EBF2: variants seen among roughly 807,000 people sequenced by gnomAD.
EBF2 encodes the protein EBF transcription factor 2, also known as transcription factor COE2.
In EBF2, 21 loss-of-function variants were observed where a neutral mutation model predicts 72.8. The ratio of observed to expected loss-of-function variants is 0.29; its 90% confidence interval spans 0.20 to 0.42. EBF2 has a LOEUF of 0.42. EBF2 is among the 10% of genes least tolerant of loss of function. The pLI is 1.00. For synonymous variants in EBF2, 299 were observed against 274.2 expected, an observed-to-expected ratio of 1.09 and a Z score of -0.89; for missense variants, 637 against 731.2, an observed-to-expected ratio of 0.87 and a Z score of 1.49.
At position 25,843,284 on chromosome 8, in the gene EBF2, G is replaced by C. The variant is rs1013825147; in HGVS notation, c.*1325C>G. 6.6e-6 allele frequency: 1 copy of C among 152,170 alleles called. No homozygotes were observed. Among genetic ancestry groups the C allele is most frequent in the Non-Finnish European group, 1.5e-5 (1 of 68,042 alleles). The allele number at this position is 152,170 out of a possible 1,614,324, so 9.4% of individuals were successfully genotyped here. A position where few individuals can be genotyped will look rare whatever the true frequency, so the allele number is the denominator to read the frequency against. The stretch of plus-strand genomic sequence containing the variant: ...TCCGTCTCATTCTTGACTAGAAACT[G>C]TCGAGTGGCATAGCTATGTTTTTCA... On this transcript the variant is annotated 3_prime_UTR_variant, in exon 16 of 16. Transcript: ENST00000520164.
intron 7 of EBF2, among the ~76,000 whole-genome samples, chr8:25,903,131 C>A (rs1267504138): frequency 6.7e-6 from 1 of 150,160 alleles, no homozygotes; most frequent in Non-Finnish European, 1.5e-5. Flanking sequence ...CACAGGCATA[C>A]AATGCACAGT....
chr8:26,000,206 A>T (rs1451881286), intron 6 of EBF2, among the ~76,000 whole-genome samples: 3 of 152,158 alleles, frequency 2.0e-5, no homozygotes, highest in Non-Finnish European at 4.4e-5. Flanking sequence ...GTTTGGCTTT[A>T]TGTTGTCCAG....
chr8:25,904,392 T>C (rs1323126293), intron 7 of EBF2, among the ~76,000 whole-genome samples: 1 of 151,268 alleles, frequency 6.6e-6, no homozygotes, highest in African/African-American at 2.4e-5. Flanking sequence ...TTGGTCTGAT[T>C]GGATGATTTT....
At chr8:25,908,676 T>A (rs1803079730) in intron 6 of EBF2, 121 bp from the exon 7 acceptor site, 2 of 710,662 alleles carry the variant, frequency 2.8e-6, no homozygotes, top group Admixed American at 5.0e-5. Flanking sequence ...AATTTCAACC[T>A]GCCCTGCCTG....
intron 6 of EBF2, among the ~76,000 whole-genome samples, chr8:25,922,872 A>G (rs2117136415): frequency 6.6e-6 from 1 of 152,162 alleles, no homozygotes; most frequent in African/African-American, 2.4e-5. Flanking sequence ...TTTTACTGAC[A>G]TGATTCTTTC....
chr8:26,038,306 G>A (rs1805538125), intron 5 of EBF2, among the ~76,000 whole-genome samples: 1 of 152,168 alleles, frequency 6.6e-6, no homozygotes, highest in African/African-American at 2.4e-5. Flanking sequence ...CTCCAATGCA[G>A]AGAAGTTACA....
chr8:25,914,373 T>C (rs1272306481), intron 6 of EBF2, among the ~76,000 whole-genome samples: 1 of 152,166 alleles, frequency 6.6e-6, no homozygotes, highest in Non-Finnish European at 1.5e-5. Context: ...CAGGCAGCCC[T>C]AGGGAAGGTG....
chr8:25,905,471 G>A (rs1426689147), intron 7 of EBF2, among the ~76,000 whole-genome samples: 1 of 152,078 alleles, frequency 6.6e-6, no homozygotes, highest in Non-Finnish European at 1.5e-5. Flanking sequence ...ATTTTAAAAT[G>A]TGATATATCC....
chr8:25,860,163 G>A (rs543802712), intron 13 of EBF2, among the ~76,000 whole-genome samples: 1 of 152,194 alleles, frequency 6.6e-6, no homozygotes, highest in African/African-American at 2.4e-5. Context: ...GACAGATTTC[G>A]ACTTAGCACT....
At chr8:26,041,302 A>T (rs977202789) in intron 2 of EBF2, 1 of 460,940 alleles carries the variant, frequency 2.2e-6, no homozygotes, top group Non-Finnish European at 4.0e-6. Context: ...GCTGCCTTTA[A>T]ACAGGCACCA....
At chr8:25,971,102 T>C (rs1804182246) in intron 6 of EBF2, among the ~76,000 whole-genome samples, 1 of 152,196 alleles carries the variant, frequency 6.6e-6, no homozygotes. Flanking sequence ...CCCAAAGTGC[T>C]GGGATTACAG....
intron 6 of EBF2, among the ~76,000 whole-genome samples, chr8:25,928,328 G>A (rs1385723): frequency 0.49 from 74,189 of 151,918 alleles, 20,884 homozygotes; most frequent in East Asian, 0.74. Flanking sequence ...GGCTTATCTG[G>A]GTTAGCTGCA....
At chr8:25,907,398 T>G (rs59312103) in intron 7 of EBF2, among the ~76,000 whole-genome samples, 9,734 of 115,126 alleles carry the variant, frequency 0.085, 1,260 homozygotes, top group African/African-American at 0.3. Context: ...CCAGCCTAGG[T>G]GACAGAGTGA....
At chr8:25,968,633 C>T (rs573947440) in intron 6 of EBF2, among the ~76,000 whole-genome samples, 1 of 152,324 alleles carries the variant, frequency 6.6e-6, no homozygotes, top group East Asian at 1.9e-4. Flanking sequence ...ATGATCTCAG[C>T]TCACTGCAAC....
At chr8:25,889,237 T>C (rs891856068) in intron 8 of EBF2, among the ~76,000 whole-genome samples, 1 of 152,216 alleles carries the variant, frequency 6.6e-6, no homozygotes, top group Non-Finnish European at 1.5e-5. Flanking sequence ...TATACTTTAA[T>C]TTTTTGGACA....
Position 25,850,746 on chromosome 8 carries a change from G to C in EBF2, c.1544C>G (p.Pro515Arg). Reference sequence around the variant, plus strand: ...GGATGTGCTGGAAGACCCAACGGTGGGACTTGATGACATGACTGGAAAGCA... The same window carrying C: ...GGATGTGCTGGAAGACCCAACGGTGCGACTTGATGACATGACTGGAAAGCA... ...GSPYGIMSSSPTVGSSSTSSI... is the reference protein window; with the variant it reads ...GSPYGIMSSSRTVGSSSTSSI... The change falls in exon 15 of 16, where the codon CCC becomes CGC. Residue 515 changes from proline (P) to arginine (R), a missense_variant. By Grantham distance (103) the Pro-to-Arg change is moderately radical (BLOSUM62 -2). Transcript: ENST00000520164. The C allele has an allele frequency of 1.9e-6, 3 of 1,558,926 alleles. No homozygotes were observed. Among genetic ancestry groups the C allele is most frequent in the Non-Finnish European group, 2.6e-6 (3 of 1,160,400 alleles).
At chr8:25,868,447 T>C (rs1005876428) in intron 10 of EBF2, among the ~76,000 whole-genome samples, 29 of 151,674 alleles carry the variant, frequency 1.9e-4, no homozygotes, top group African/African-American at 7.0e-4. Flanking sequence ...TATATATACT[T>C]TTCTAGTGAT....
intron 8 of EBF2, 53 bp downstream of exon 8, chr8:25,889,699 G>T: frequency 7.0e-7 from 1 of 1,422,290 alleles, no homozygotes; most frequent in South Asian, 1.2e-5. Flanking sequence ...TTCGAACAAG[G>T]AAATTCGTGG....
Position 26,033,240 on chromosome 8 carries a change from CCAGA to C in EBF2, c.483-91_483-88del. 4.4e-6 allele frequency: 6 copies of C among 1,348,316 alleles called. No individual in the cohort carries two copies. The South Asian group carries it at 5.9e-5, about 13-fold the overall frequency. 83.5% of individuals were successfully genotyped at this position (1,348,316 alleles called of 1,614,324 possible). A position where few individuals can be genotyped will look rare whatever the true frequency, so the allele number is the denominator to read the frequency against. Reference sequence around the variant, plus strand: ...CACATGACAAGAACATTTTTTCCCCCCAGACAGAGTCTGGCTCTGTCACCAGGCT... The same window carrying C: ...CACATGACAAGAACATTTTTTCCCCCCAGAGTCTGGCTCTGTCACCAGGCT... On this transcript the variant is annotated intron_variant, in intron 5 of 15. Transcript: ENST00000520164.
Sources: allele counts gnomAD v4.1 joint callset (sites outside exome capture counted in the v4.1 genomes callset), GRCh38; gene constraint gnomAD v4.1.1; transcripts MANE v1.5; gene names NCBI Gene and HGNC (gene_info 2026-07-23, HGNC 2026-07-21).